The following SEMA3D variants were observed in gnomAD, a reference collection of about 807,000 sequenced individuals.
SEMA3D encodes semaphorin 3D, also known as semaphorin-3D.
A neutral mutation model predicts 100.1 loss-of-function variants in SEMA3D; 84 were observed. That is an observed-to-expected ratio of 0.84 (90% CI 0.70 to 1.01). The LOEUF is 1.01. Among genes scored for constraint, SEMA3D ranks in the 50% least tolerant of loss-of-function variants. The pLI is 0.00. For synonymous variants in SEMA3D, 312 were observed against 320.7 expected (o/e 0.97, Z 0.29); for missense variants, 875 against 934.1 (o/e 0.94, Z 0.82).
At chr7:85,082,054 T>C (rs1788079515) in intron 4 of SEMA3D, among the ~76,000 whole-genome samples, 1 of 152,226 alleles carries the variant, frequency 6.6e-6, no homozygotes, top group African/African-American at 2.4e-5. Context: ...TTTAACATGC[T>C]TGGAGCTCAG....
At chr7:85,245,415 C>A in the SEMA3D span, among the ~76,000 whole-genome samples, 1 of 152,128 alleles carries the variant, frequency 6.6e-6, no homozygotes. Flanking sequence ...CAACTATATG[C>A]CTGTTTTTAA....
intron 1 of SEMA3D, among the ~76,000 whole-genome samples, chr7:85,175,613 A>G (rs1039749945): frequency 6.6e-6 from 1 of 152,178 alleles, no homozygotes; most frequent in Non-Finnish European, 1.5e-5. Context: ...AGGTGATAGA[A>G]GTCAATTTCA....
intron 5 of SEMA3D, among the ~76,000 whole-genome samples, chr7:85,074,760 G>A (rs1159616375): frequency 6.6e-6 from 1 of 151,874 alleles, no homozygotes; most frequent in Non-Finnish European, 1.5e-5. Context: ...GGAACTACAG[G>A]TGCAAGTCAT....
intron 2 of SEMA3D, chr7:85,141,215 T>A (rs190422173): frequency 1.0e-6 from 1 of 983,572 alleles, no homozygotes; most frequent in East Asian, 1.1e-4. Context: ...ATTAACCCCC[T>A]CTCTTATTTT....
chr7:85,231,685 T>C, the SEMA3D span, among the ~76,000 whole-genome samples: 40 of 152,184 alleles, frequency 2.6e-4, no homozygotes, highest in Admixed American at 1.7e-3. Context: ...CTCCTGACTT[T>C]GTGATCCGCC....
At chr7:85,070,990 G>T (rs1014466125) in intron 6 of SEMA3D, among the ~76,000 whole-genome samples, 1 of 152,106 alleles carries the variant, frequency 6.6e-6, no homozygotes, top group Non-Finnish European at 1.5e-5. Context: ...ATGTTGGCAA[G>T]GCTGGTTTGG....
At chr7:85,145,466 T>A (rs772758682) in intron 2 of SEMA3D, among the ~76,000 whole-genome samples, 45 of 152,072 alleles carry the variant, frequency 3.0e-4, no homozygotes, top group Non-Finnish European at 5.7e-4. Flanking sequence ...AAGTACTATA[T>A]AATAAATGGG....
intron 9 of SEMA3D, among the ~76,000 whole-genome samples, chr7:85,045,474 T>G (rs1180140644): frequency 6.6e-6 from 1 of 151,970 alleles, no homozygotes; most frequent in Non-Finnish European, 1.5e-5. Context: ...CGGTAATTGC[T>G]CTTACATTTA....
At chr7:85,162,216 GC>G (rs1281780887) in intron 1 of SEMA3D, among the ~76,000 whole-genome samples, 1 of 152,108 alleles carries the variant, frequency 6.6e-6, no homozygotes, top group Non-Finnish European at 1.5e-5. Flanking sequence ...GCTAACAACA[GC>G]AAAGACCTGC....
chr7:85,005,305 AAAT>A (rs1789764389), intron 18 of SEMA3D, among the ~76,000 whole-genome samples: 1 of 152,078 alleles, frequency 6.6e-6, no homozygotes, highest in South Asian at 2.1e-4. Context: ...TTTTGAAATT[AAAT>A]AATCATTTCT....
intron 8 of SEMA3D, 127 bp from the exon 9 acceptor site, chr7:85,055,986 G>A: frequency 2.0e-6 from 1 of 495,150 alleles, no homozygotes; most frequent in Non-Finnish European, 3.6e-6. Flanking sequence ...AGCCAGATGT[G>A]GGAAATGAGA....
chr7:85,209,631 A>G, the SEMA3D span, among the ~76,000 whole-genome samples: 1 of 151,992 alleles, frequency 6.6e-6, no homozygotes, highest in East Asian at 1.9e-4. Flanking sequence ...TTGCTTTGAC[A>G]TTTTGTAGTG....
chr7:85,047,944 C>T (rs1225391169), intron 9 of SEMA3D, among the ~76,000 whole-genome samples: 1 of 151,732 alleles, frequency 6.6e-6, no homozygotes, highest in Non-Finnish European at 1.5e-5. Flanking sequence ...TTGTGTGCCC[C>T]ACTCCCTGTT....
At chr7:85,241,467 G>GTGTGTGTGTATATATATATATATATATA in the SEMA3D span, among the ~76,000 whole-genome samples, 35 of 91,972 alleles carry the variant, frequency 3.8e-4, no homozygotes, top group African/African-American at 1.9e-3. Context: ...CTGTGTGTGT[G>GTGTGTGTGTATATATATATATATATATA]TATATATATA....
At chr7:85,162,097 T>C (rs1347898776) in intron 1 of SEMA3D, among the ~76,000 whole-genome samples, 7 of 151,978 alleles carry the variant, frequency 4.6e-5, no homozygotes, top group Admixed American at 4.6e-4. Flanking sequence ...TTTTTTAATC[T>C]CATCTTAATT....
chr7:85,005,834 G>A (rs1789781464), intron 18 of SEMA3D, among the ~76,000 whole-genome samples: 1 of 151,898 alleles, frequency 6.6e-6, no homozygotes, highest in African/African-American at 2.4e-5. Context: ...TGGCACTCTG[G>A]AAACAAAATT....
chr7:85,215,922 G>A, the SEMA3D span, among the ~76,000 whole-genome samples: 5 of 152,116 alleles, frequency 3.3e-5, no homozygotes, highest in African/African-American at 9.6e-5. Flanking sequence ...TAGTTGTAAT[G>A]AGAAATTTAA....
chr7:85,083,651 T>C (rs1015923343), intron 4 of SEMA3D, among the ~76,000 whole-genome samples: 5 of 150,500 alleles, frequency 3.3e-5, no homozygotes, highest in African/African-American at 1.2e-4. Context: ...GAGACCATCC[T>C]GGCTAACACG....
At chr7:85,167,133 A>T (rs1334854592) in intron 1 of SEMA3D, 1 of 305,734 alleles carries the variant, frequency 3.3e-6, no homozygotes, top group Non-Finnish European at 4.8e-6. Context: ...CCGCCTGAAG[A>T]TCATAAAAAG....
Sources: allele counts gnomAD v4.1 joint callset (sites outside exome capture counted in the v4.1 genomes callset), GRCh38; gene constraint gnomAD v4.1.1; transcripts MANE v1.5; gene names NCBI Gene and HGNC (gene_info 2026-07-23, HGNC 2026-07-21).